SGCD: variants seen among roughly 807,000 people sequenced by gnomAD.
The protein encoded by SGCD is delta-sarcoglycan.
A neutral mutation model predicts 36.6 loss-of-function variants in SGCD; 18 were observed. The ratio of observed to expected loss-of-function variants is 0.49; its 90% CI spans 0.34 to 0.73. The LOEUF is 0.73. Ranked by LOEUF, SGCD falls within the 30% of genes least tolerant of loss-of-function variation. The pLI is 0.01. For synonymous variants in SGCD, 133 were observed against 130.6 expected, an observed-to-expected ratio of 1.02 and a Z score of -0.12; for missense variants, 387 against 346.7, an observed-to-expected ratio of 1.12 and a Z score of -0.92.
chr5:155,918,999 C>G (rs1756815053), intron 1 of SGCD, among the ~76,000 whole-genome samples: 1 of 152,224 alleles, frequency 6.6e-6, no homozygotes, highest in Non-Finnish European at 1.5e-5. Context: ...GATTGATATG[C>G]ATTGTTTCCA....
chr5:156,102,075 C>G (rs1274420742), intron 1 of SGCD, among the ~76,000 whole-genome samples: 2 of 151,904 alleles, frequency 1.3e-5, no homozygotes, highest in Non-Finnish European at 2.9e-5. Context: ...ATTACTAGGA[C>G]TTTGAGTAGC....
intron 1 of SGCD, among the ~76,000 whole-genome samples, chr5:156,059,591 G>A (rs112512375): frequency 0.012 from 1,735 of 144,986 alleles, 152 homozygotes; most frequent in African/African-American, 0.042. Context: ...TTTAAGGCCC[G>A]CTGGCTTTGA....
chr5:156,032,151 A>T (rs1443348416), intron 1 of SGCD, among the ~76,000 whole-genome samples: 2 of 152,250 alleles, frequency 1.3e-5, no homozygotes, highest in African/African-American at 2.4e-5. Context: ...TAAAAAAAAA[A>T]ACCTAACAGT....
chr5:156,439,777 T>C (rs1470979940), intron 3 of SGCD, among the ~76,000 whole-genome samples: 1 of 152,156 alleles, frequency 6.6e-6, no homozygotes, highest in Non-Finnish European at 1.5e-5. Flanking sequence ...GAGAGCTCAC[T>C]GTGCAGGATG....
At chr5:156,229,277 C>CATACATATATATATATATATAT (rs1764942419) in intron 3 of SGCD, among the ~76,000 whole-genome samples, 34 of 56,460 alleles carry the variant, frequency 6.0e-4, no homozygotes, top group African/African-American at 2.6e-3. Flanking sequence ...TATATACATA[C>CATACATATATATATATATATAT]ATATATATAT....
At chr5:156,534,452 C>T (rs1758013423) in intron 4 of SGCD, among the ~76,000 whole-genome samples, 1 of 152,164 alleles carries the variant, frequency 6.6e-6, no homozygotes, top group Non-Finnish European at 1.5e-5. Flanking sequence ...TTCTGCTTCT[C>T]TAACTTTGAT....
chr5:156,687,726 T>C (rs749708693), intron 7 of SGCD, among the ~76,000 whole-genome samples: 5 of 152,192 alleles, frequency 3.3e-5, no homozygotes, highest in Non-Finnish European at 7.3e-5. Flanking sequence ...GCTGTGCTGA[T>C]ATGAACCCAA....
At chr5:155,995,824 C>A (rs1758529371) in intron 1 of SGCD, among the ~76,000 whole-genome samples, 1 of 151,646 alleles carries the variant, frequency 6.6e-6, no homozygotes, top group African/African-American at 2.4e-5. Context: ...TAGAGATGGC[C>A]CCCGAGTGAG....
chr5:156,637,962 T>G (rs983198528), intron 6 of SGCD, among the ~76,000 whole-genome samples: 1 of 152,116 alleles, frequency 6.6e-6, no homozygotes, highest in East Asian at 1.9e-4. Context: ...TCGTAAATGA[T>G]TTTGTAAGTT....
chr5:156,607,663 A>T (rs1391411302), intron 6 of SGCD, among the ~76,000 whole-genome samples: 4 of 151,650 alleles, frequency 2.6e-5, no homozygotes, highest in African/African-American at 9.7e-5. Flanking sequence ...TGGGCTGTGA[A>T]TCCATCTGGT....
At chr5:156,577,839 A>C (rs868761335) in intron 4 of SGCD, among the ~76,000 whole-genome samples, 3 of 152,298 alleles carry the variant, frequency 2.0e-5, no homozygotes, top group Middle Eastern at 3.4e-3. Context: ...GGTTTTCTAA[A>C]TATACAATCA....
chr5:156,406,397 A>T (rs1772410180), intron 3 of SGCD, among the ~76,000 whole-genome samples: 1 of 151,376 alleles, frequency 6.6e-6, no homozygotes. Flanking sequence ...GATAAGTTTT[A>T]CTCACCTACT....
intron 6 of SGCD, among the ~76,000 whole-genome samples, chr5:156,606,809 A>G (rs973786390): frequency 2.0e-5 from 3 of 152,172 alleles, no homozygotes; most frequent in South Asian, 2.1e-4. Flanking sequence ...CTTTGAAGCA[A>G]TTGTGATTGG....
chr5:155,819,221 A>G, the SGCD span, among the ~76,000 whole-genome samples: 2 of 152,340 alleles, frequency 1.3e-5, no homozygotes, highest in African/African-American at 2.4e-5. Context: ...TTCATTTTCT[A>G]AAATCTATAT....
chr5:156,731,862 C>T (rs571750375), intron 7 of SGCD, among the ~76,000 whole-genome samples: 168 of 152,118 alleles, frequency 1.1e-3, no homozygotes, highest in African/African-American at 3.9e-3. Flanking sequence ...TCTTTAGAGA[C>T]ATTTCACTTC....
intron 3 of SGCD, among the ~76,000 whole-genome samples, chr5:156,124,980 C>T (rs1762136588): frequency 6.6e-6 from 1 of 152,132 alleles, no homozygotes; most frequent in Non-Finnish European, 1.5e-5. Flanking sequence ...GGGCCAGGCT[C>T]ATTCCCACAC....
intron 3 of SGCD, among the ~76,000 whole-genome samples, chr5:156,420,477 A>G (rs975548455): frequency 3.9e-5 from 6 of 152,108 alleles, no homozygotes; most frequent in Non-Finnish European, 5.9e-5. Context: ...TATACCAAAT[A>G]ATTTATTACT....
intron 1 of SGCD, among the ~76,000 whole-genome samples, chr5:155,971,295 A>G (rs1758002465): frequency 6.6e-6 from 1 of 152,176 alleles, no homozygotes; most frequent in South Asian, 2.1e-4. Flanking sequence ...TCTGTCTGGC[A>G]GCAAAGTTCT....
intron 6 of SGCD, among the ~76,000 whole-genome samples, chr5:156,618,348 C>T (rs1762098405): frequency 6.6e-6 from 1 of 152,108 alleles, no homozygotes; most frequent in Non-Finnish European, 1.5e-5. Context: ...TCTTCTGTGG[C>T]ACCTCATTTA....
Sources: allele counts gnomAD v4.1 joint callset (sites outside exome capture counted in the v4.1 genomes callset), GRCh38; gene constraint gnomAD v4.1.1; transcripts MANE v1.5; gene names NCBI Gene and HGNC (gene_info 2026-07-23, HGNC 2026-07-21).